LZTS1: variants seen among roughly 807,000 people sequenced by gnomAD.
LZTS1 encodes the protein leucine zipper putative tumor suppressor 1.
A neutral mutation model predicts 45.8 loss-of-function variants in LZTS1; 31 were observed. The observed-to-expected ratio is 0.68, with a 90% CI of 0.51 to 0.91. The LOEUF (loss-of-function observed/expected upper bound fraction) is 0.91, where lower values mean the gene tolerates loss of function less well. Ranked by LOEUF, LZTS1 falls within the 40% of genes least tolerant of loss-of-function variation. The probability of loss-of-function intolerance (pLI) is 0.00; values close to 1 mark genes in which losing one functional copy is unlikely to be tolerated. For missense variants in LZTS1, 821 were observed against 788.9 expected (o/e 1.04, Z -0.49); for synonymous variants, 359 against 357.3 (o/e 1.00, Z -0.05).
Position 20,253,457 on chromosome 8 carries a change from C to G in LZTS1, c.474G>C (p.Lys158Asn). 1 of 1,610,276 alleles carries G rather than the reference C, an allele frequency of 6.2e-7. No homozygotes were observed. The highest frequency in any genetic ancestry group is 8.5e-7 in the Non-Finnish European group (1 of 1,178,602). ...QLHPAPPDKPKEQELKPGLCS... is the reference protein window; with the variant it reads ...QLHPAPPDKPNEQELKPGLCS... ...ACAGGCCAGGCTTCAGCTCCTGCTC[C>G]TTGGGCTTGTCTGGAGGGGCGGGGT... Residue 158 changes from lysine to asparagine, a missense_variant, in exon 3 of 4, where the codon AAG (lysine) becomes AAC (asparagine). Lys to Asn is a moderately conservative substitution (Grantham distance 94, BLOSUM62 0). Coordinates refer to ENST00000381569, the MANE Select transcript of LZTS1 (RefSeq NM_021020.5).
chr8:20,254,045 G>C (rs994022806), intron 2 of LZTS1, among the ~76,000 whole-genome samples: 3 of 152,090 alleles, frequency 2.0e-5, no homozygotes, highest in African/African-American at 7.2e-5. Flanking sequence ...TCCAAATCAC[G>C]ATCCTTTTTT....
At chr8:20,274,189 T>C (rs1800529529) in intron 1 of LZTS1, among the ~76,000 whole-genome samples, 1 of 152,200 alleles carries the variant, frequency 6.6e-6, no homozygotes, top group Non-Finnish European at 1.5e-5. Flanking sequence ...AGACTGTTTT[T>C]CACCCAACAC....
chr8:20,261,194 A>G lies in LZTS1; in HGVS notation c.-134-5879T>C, dbSNP rs1585284001. Among the ~76,000 whole-genome samples, 4 of 152,194 alleles carry G rather than the reference A, an allele frequency of 2.6e-5. No homozygotes were observed. The South Asian group carries it at 8.3e-4, about 32-fold the overall frequency. ...AAGGGGACAGGAGGAGGGAAGAAGG[A>G]TGGAGAGAAGGTAAAGGAACCACAG... On this transcript the variant is annotated intron_variant, in intron 1 of 3. Transcript: ENST00000381569.
intron 3 of LZTS1, among the ~76,000 whole-genome samples, chr8:20,250,787 C>T (rs1242235527): frequency 2.6e-5 from 4 of 151,786 alleles, no homozygotes; most frequent in African/African-American, 4.8e-5. Context: ...TTAGTAGAGA[C>T]GGGGTTTCCT....
At chr8:20,302,990 G>C (rs1416324462) in intron 1 of LZTS1, among the ~76,000 whole-genome samples, 1 of 152,142 alleles carries the variant, frequency 6.6e-6, no homozygotes, top group Admixed American at 6.5e-5. Flanking sequence ...CCTCCAGCCA[G>C]AGCAAAGCCT....
chr8:20,260,959 C>T (rs1403708316), intron 1 of LZTS1, among the ~76,000 whole-genome samples: 1 of 152,202 alleles, frequency 6.6e-6, no homozygotes, highest in Admixed American at 6.5e-5. Context: ...TCACTGTCAA[C>T]TTGGAGAGAG....
At chr8:20,298,590 C>T (rs577443676) in intron 1 of LZTS1, among the ~76,000 whole-genome samples, 7 of 152,262 alleles carry the variant, frequency 4.6e-5, no homozygotes, top group East Asian at 1.9e-4. Context: ...AGGCTGGATG[C>T]GGTGGCTCAC....
chr8:20,289,548 C>G (rs1354331203), intron 1 of LZTS1, among the ~76,000 whole-genome samples: 1 of 152,176 alleles, frequency 6.6e-6, no homozygotes, highest in Non-Finnish European at 1.5e-5. Context: ...CTCAACTGCT[C>G]CAGGGTCAGG....
intron 1 of LZTS1, among the ~76,000 whole-genome samples, chr8:20,269,474 CT>C (rs1397464780): frequency 6.6e-6 from 1 of 152,194 alleles, no homozygotes; most frequent in Non-Finnish European, 1.5e-5. Context: ...GTGGGCACCC[CT>C]GGAAGGTGAA....
Position 20,274,057 on chromosome 8 carries a change from C to T in LZTS1, c.-134-18742G>A, listed in dbSNP as rs115648105. Among the ~76,000 whole-genome samples, 838 of 152,234 alleles carry T rather than the reference C, an allele frequency of 5.5e-3. 11 individuals carry two copies. The highest frequency in any genetic ancestry group is 0.019 in the African/African-American group (786 of 41,536). ...AGCCCCTGGGACTTTGCTCAGAAGG[C>T]ACTCTTCTGCTATGAAGCCTTCCCG... On this transcript the variant is annotated intron_variant, in intron 1 of 3. Coordinates refer to ENST00000381569, the MANE Select transcript of LZTS1 (RefSeq NM_021020.5).
In LZTS1 at chr8:20,254,937, T is replaced by A; in HGVS notation, c.245A>T (p.Tyr82Phe). 1 of 1,614,224 alleles carries A rather than the reference T, an allele frequency of 6.2e-7. No homozygotes were observed. The highest frequency in any genetic ancestry group is 8.5e-7 in the Non-Finnish European group (1 of 1,180,046). The change falls in exon 2 of 4, where the codon TAC becomes TTC. Residue 82 changes from tyrosine to phenylalanine, a missense_variant. By Grantham distance (22) the Tyr-to-Phe change is conservative. Coordinates refer to ENST00000381569, the MANE Select transcript of LZTS1 (RefSeq NM_021020.5). ...QKARGSHHPD[Y>F]TALSSGDLGG... ...TAAATCCCCGCTGGACAGTGCCGTG[T>A]AATCTGGGTGATGGGAGCCCCGGGC...
chr8:20,289,496 C>T (rs1800860148), intron 1 of LZTS1, among the ~76,000 whole-genome samples: 1 of 152,190 alleles, frequency 6.6e-6, no homozygotes, highest in Non-Finnish European at 1.5e-5. Context: ...ACCACATCCA[C>T]AATTGGCCCC....
intron 1 of LZTS1, among the ~76,000 whole-genome samples, chr8:20,259,043 G>C (rs1456974216): frequency 6.6e-6 from 1 of 151,998 alleles, no homozygotes; most frequent in Non-Finnish European, 1.5e-5. Flanking sequence ...CACATGCAGG[G>C]GTGTCATTTT....
chr8:20,287,006 T>C (rs1359004812), intron 1 of LZTS1, among the ~76,000 whole-genome samples: 1 of 152,226 alleles, frequency 6.6e-6, no homozygotes, highest in African/African-American at 2.4e-5. Flanking sequence ...TCTATGTATA[T>C]GAAAAATTTG....
chr8:20,302,331 T>C (rs1025492761), intron 1 of LZTS1, among the ~76,000 whole-genome samples: 3 of 152,170 alleles, frequency 2.0e-5, no homozygotes, highest in African/African-American at 7.2e-5. Flanking sequence ...ACAGACTATG[T>C]TCCACTCCAC....
intron 1 of LZTS1, among the ~76,000 whole-genome samples, chr8:20,277,009 T>C (rs1800598153): frequency 6.6e-6 from 1 of 152,196 alleles, no homozygotes; most frequent in Admixed American, 6.5e-5. Flanking sequence ...GGCTGAGACC[T>C]ACTGGGCTGC....
At chr8:20,291,605 C>T (rs563843515) in intron 1 of LZTS1, among the ~76,000 whole-genome samples, 37 of 143,070 alleles carry the variant, frequency 2.6e-4, no homozygotes, top group African/African-American at 9.8e-4. Context: ...GGATCTCTCT[C>T]GCCATTGTTC....
In LZTS1 at chr8:20,284,552, T is replaced by C. The variant is rs557927491; in HGVS notation, c.-135+19188A>G. On this transcript the variant is annotated intron_variant, in intron 1 of 3. Transcript: ENST00000381569. ...TTCACTTTTTTTTTAATGGAGAGAG[T>C]ATTAAGAACCAAAAGCCCAAGAGAG... Among the ~76,000 whole-genome samples the C allele has an allele frequency of 5.9e-5, 9 of 151,388 alleles. No individual in the cohort carries two copies. The South Asian group carries it at 1.7e-3, about 28-fold the overall frequency.
intron 3 of LZTS1, 84 bp from the exon 4 acceptor site, chr8:20,250,447 C>G (rs1029413921): frequency 5.1e-6 from 7 of 1,370,776 alleles, no homozygotes; most frequent in African/African-American, 1.5e-5. Context: ...CTAAAATAAC[C>G]AAGCCACTCC....
Sources: allele counts gnomAD v4.1 joint callset (sites outside exome capture counted in the v4.1 genomes callset), GRCh38; gene constraint gnomAD v4.1.1; transcripts MANE v1.5; gene names NCBI Gene and HGNC (gene_info 2026-07-23, HGNC 2026-07-21).